The following EPS15 variants were observed in gnomAD, a reference collection of about 807,000 sequenced individuals.
The protein encoded by EPS15 is epidermal growth factor receptor pathway substrate 15.
A neutral mutation model predicts 113.8 loss-of-function variants in EPS15; 72 were observed. That is an observed-to-expected ratio of 0.63 (90% CI 0.52 to 0.77). EPS15 has a LOEUF of 0.77. EPS15 is among the 30% of genes least tolerant of loss of function. EPS15 has a pLI of 0.00. For missense variants in EPS15, 1,048 were observed against 1,045.8 expected (o/e 1.00, Z -0.03); for synonymous variants, 344 against 363.4 (o/e 0.95, Z 0.61).
At chr1:51,390,972 C>A (rs1432187289) in intron 21 of EPS15, among the ~76,000 whole-genome samples, 3 of 152,050 alleles carry the variant, frequency 2.0e-5, no homozygotes, top group Admixed American at 6.6e-5. Context: ...GGGTATATAC[C>A]CAAAGGACTA....
intron 12 of EPS15, among the ~76,000 whole-genome samples, chr1:51,439,714 A>G (rs1259696404): frequency 6.6e-6 from 1 of 152,050 alleles, no homozygotes; most frequent in Non-Finnish European, 1.5e-5. Flanking sequence ...AGAAGATTCA[A>G]CTTAGAATAA....
At chr1:51,356,973 CT>C (rs552126558) in intron 24 of EPS15, 127 bp from the exon 25 acceptor site, 14,817 of 614,584 alleles carry the variant, frequency 0.024, 193 homozygotes, top group African/African-American at 0.071. Context: ...CTTGTTAATT[CT>C]TTTTTTTTTC....
chr1:51,388,500 A>G (rs1203891864), intron 21 of EPS15, among the ~76,000 whole-genome samples: 2 of 152,212 alleles, frequency 1.3e-5, no homozygotes, highest in Admixed American at 1.3e-4. Flanking sequence ...CAGACAAAAA[A>G]GCCCTTCAAA....
At chr1:51,400,059 C>T (rs1179865457) in intron 19 of EPS15, among the ~76,000 whole-genome samples, 1 of 152,118 alleles carries the variant, frequency 6.6e-6, no homozygotes, top group Non-Finnish European at 1.5e-5. Context: ...AAAGAAAACA[C>T]AATAAAAACT....
chr1:51,361,496 A>ATAGC (rs1214751079), intron 23 of EPS15, 141 bp from the exon 24 acceptor site: 24 of 593,912 alleles, frequency 4.0e-5, no homozygotes, highest in Middle Eastern at 4.6e-4. Flanking sequence ...ATTGTCTTAA[A>ATAGC]TAGCTACACC....
chr1:51,402,279 G>A (rs1404594830), intron 18 of EPS15, among the ~76,000 whole-genome samples, 156 bp downstream of exon 18: 1 of 146,246 alleles, frequency 6.8e-6, no homozygotes, highest in African/African-American at 2.5e-5. Context: ...CCCAGGAGGC[G>A]GAGGTTGCAG....
chr1:51,402,552 T>G lies in EPS15; in HGVS notation c.1792-27A>C, dbSNP rs200631317. 100 of 1,242,246 alleles carry G rather than the reference T, an allele frequency of 8.0e-5. 1 individual carries two copies. The Middle Eastern group carries it at 2.4e-3, about 30-fold the overall frequency. The allele number at this position is 1,242,246 out of a possible 1,614,324, so 77.0% of individuals were successfully genotyped here. A position where few individuals can be genotyped will look rare whatever the true frequency, so the allele number is the denominator to read the frequency against. The stretch of plus-strand genomic sequence containing the variant: ...TAAAAATAATTTTAAATTAAAATTA[T>G]TTTTTAGAAACCAAAGTTTTAAAAG... On this transcript the variant is annotated intron_variant, in intron 17 of 24. Transcript: ENST00000371733.
intron 8 of EPS15, 49 bp downstream of exon 8, chr1:51,461,042 G>C (rs532613870): frequency 1.6e-6 from 2 of 1,229,980 alleles, no homozygotes; most frequent in African/African-American, 3.0e-5. Context: ...ATTTGCACAT[G>C]AGAAAATCAT....
At chr1:51,474,998 A>G (rs1245098035) in intron 2 of EPS15, among the ~76,000 whole-genome samples, 5 of 152,078 alleles carry the variant, frequency 3.3e-5, no homozygotes, top group African/African-American at 1.2e-4. Flanking sequence ...ACATCCCTAC[A>G]AAGGACATGA....
chr1:51,457,286 C>CA (rs1034055623), intron 8 of EPS15, among the ~76,000 whole-genome samples: 2 of 149,798 alleles, frequency 1.3e-5, no homozygotes, highest in East Asian at 2.0e-4. Context: ...GACTCCATCT[C>CA]AAAAAAAATA....
In EPS15 at chr1:51,406,433, C is replaced by T. The variant is rs542146062; in HGVS notation, c.1474-325G>A. 3.3e-5 allele frequency among the ~76,000 whole-genome samples: 5 copies of T among 152,208 alleles called. No individual in the cohort carries two copies. In the South Asian group the frequency reaches 6.2e-4, roughly 19 times the overall value. ...AAGGCTGCAGTGAGCCATGATCACA[C>T]CACTGCACTCGAGTGACAGAATGAG... On this transcript the variant is annotated intron_variant, in intron 15 of 24. Coordinates refer to ENST00000371733, the MANE Select transcript of EPS15 (RefSeq NM_001981.3).
At chr1:51,387,770 C>T (rs1193464156) in intron 21 of EPS15, among the ~76,000 whole-genome samples, 1 of 151,910 alleles carries the variant, frequency 6.6e-6, no homozygotes, top group South Asian at 2.1e-4. Flanking sequence ...GAAGAGCTAA[C>T]TATCCTAAGT....
chr1:51,429,121 T>C (rs896616331), intron 12 of EPS15, among the ~76,000 whole-genome samples: 3 of 152,174 alleles, frequency 2.0e-5, no homozygotes, highest in Non-Finnish European at 4.4e-5. Flanking sequence ...TCCTCCCATC[T>C]TGGCTTCCAT....
chr1:51,486,091 C>A (rs569153654), intron 1 of EPS15, among the ~76,000 whole-genome samples: 1 of 152,054 alleles, frequency 6.6e-6, no homozygotes, highest in Admixed American at 6.5e-5. Flanking sequence ...AGCCACCATG[C>A]GCAGTCGAGT....
intron 1 of EPS15, among the ~76,000 whole-genome samples, chr1:51,517,053 A>G (rs2148574125): frequency 6.6e-6 from 1 of 152,332 alleles, no homozygotes; most frequent in South Asian, 2.1e-4. Context: ...TATTGGGCTC[A>G]GGCAGTTATA....
chr1:51,481,252 A>G, intron 2 of EPS15, 21 bp downstream of exon 2: 1 of 1,276,382 alleles, frequency 7.8e-7, no homozygotes, highest in Admixed American at 1.7e-5. Flanking sequence ...ATCCAGGCAA[A>G]CAATGAAACA....
intron 1 of EPS15, chr1:51,518,452 C>G (rs1644767538): frequency 6.6e-6 from 1 of 152,578 alleles, no homozygotes; most frequent in Non-Finnish European, 1.5e-5. Context: ...CAGGCGTGAG[C>G]CCCCCGAGGG....
chr1:51,430,522 C>A (rs183069637), intron 12 of EPS15, among the ~76,000 whole-genome samples: 3 of 148,820 alleles, frequency 2.0e-5, no homozygotes, highest in African/African-American at 7.5e-5. Context: ...GAGCCAAGAT[C>A]GTGTCACTGC....
In EPS15 at chr1:51,497,274, CA is replaced by C. The variant is rs138833178; in HGVS notation, c.34-15961del. On this transcript the variant is annotated intron_variant, in intron 1 of 24. Coordinates refer to ENST00000371733, the MANE Select transcript of EPS15 (RefSeq NM_001981.3). ...CTAACTCCTCTAACCAGTCAGCTAGCAAATTTCTTTTGTCATTCTCATCCAT... is the reference window on the plus strand; with the variant it reads ...CTAACTCCTCTAACCAGTCAGCTAGCAATTTCTTTTGTCATTCTCATCCAT... Among the ~76,000 whole-genome samples, 1,455 of 152,222 alleles carry C rather than the reference CA, an allele frequency of 9.6e-3. 15 individuals carry two copies. The highest frequency in any genetic ancestry group is 0.033 in the African/African-American group (1,386 of 41,532).
Sources: gnomAD v4.1 joint callset for allele counts (sites outside exome capture counted in the v4.1 genomes callset) on GRCh38, gnomAD v4.1.1 for gene constraint, MANE v1.5 for transcripts, NCBI Gene and HGNC (gene_info 2026-07-23, HGNC 2026-07-21) for gene names.